CELF1: variants seen among roughly 807,000 people sequenced by gnomAD.
CELF1 encodes 50 kDa nuclear polyadenylated RNA-binding protein.
A neutral mutation model predicts 61.8 loss-of-function variants in CELF1; 10 were observed. That is an observed-to-expected ratio of 0.16 (90% CI 0.10 to 0.27). CELF1 has a LOEUF of 0.27. Among genes scored for constraint, CELF1 ranks in the 10% least tolerant of loss-of-function variants. The probability of loss-of-function intolerance (pLI) is 1.00; values close to 1 mark genes in which losing one functional copy is unlikely to be tolerated. For synonymous variants in CELF1, 236 were observed against 225.1 expected (o/e 1.05, Z -0.43); for missense variants, 380 against 639.1 (o/e 0.59, Z 4.37).
In CELF1 at chr11:47,473,240, T is replaced by C; in HGVS notation, c.1274-9A>G. The C allele has an allele frequency of 1.9e-6, 3 of 1,608,456 alleles. No individual in the cohort carries two copies. The highest frequency in any genetic ancestry group is 2.5e-6 in the Non-Finnish European group (3 of 1,178,220). On this transcript the variant is annotated splice_polypyrimidine_tract_variant and intron_variant, in intron 13 of 14. Transcript: ENST00000687097. ...GTTGGCTCCCTCTGGACCTTCAAAA[T>C]ACCCAGGAATTGGAAAAGTATCAGT...
chr11:47,511,824 T>A (rs940418078), intron 1 of CELF1, among the ~76,000 whole-genome samples: 1 of 152,142 alleles, frequency 6.6e-6, no homozygotes, highest in Non-Finnish European at 1.5e-5. Context: ...AGAAAGTCTG[T>A]TTAAATGCTA....
intron 1 of CELF1, among the ~76,000 whole-genome samples, chr11:47,521,707 TTGGTGTTTA>T (rs2095901508): frequency 6.6e-6 from 1 of 152,202 alleles, no homozygotes; most frequent in Non-Finnish European, 1.5e-5. Context: ...GGCACCAAGC[TTGGTGTTTA>T]TGGTGGAAAA....
At chr11:47,493,339 T>TAAAAAAA (rs11458910) in intron 3 of CELF1, among the ~76,000 whole-genome samples, 5 of 127,968 alleles carry the variant, frequency 3.9e-5, no homozygotes, top group Non-Finnish European at 8.0e-5. Flanking sequence ...CGTCCCTACT[T>TAAAAAAA]AAAAAAAAAA....
At chr11:47,519,479 C>CTAAATAAATAAA (rs59610157) in intron 1 of CELF1, among the ~76,000 whole-genome samples, 76 of 145,024 alleles carry the variant, frequency 5.2e-4, no homozygotes, top group Non-Finnish European at 7.2e-4. Flanking sequence ...GACTCCATCT[C>CTAAATAAATAAA]TAAATAAATA....
At chr11:47,518,935 G>A (rs1253417838) in intron 1 of CELF1, among the ~76,000 whole-genome samples, 3 of 152,164 alleles carry the variant, frequency 2.0e-5, no homozygotes, top group Non-Finnish European at 4.4e-5. Flanking sequence ...ATATGGTCTT[G>A]TTTCAGGAGC....
intron 1 of CELF1, among the ~76,000 whole-genome samples, chr11:47,541,069 G>A (rs1390295797): frequency 1.3e-5 from 2 of 152,178 alleles, no homozygotes; most frequent in Admixed American, 1.3e-4. Flanking sequence ...GAGGGAAAGC[G>A]GCTGGAGCTG....
Position 47,475,338 on chromosome 11 carries a change from T to C in CELF1, c.1271A>G (p.Glu424Gly). The change falls in exon 13 of 15, where the codon GAA becomes GGA. Residue 424 changes from glutamate (E) to glycine (G), a missense_variant and splice_region_variant. By Grantham distance (98) the Glu-to-Gly change is moderately conservative (BLOSUM62 -2). Coordinates refer to ENST00000687097, the MANE Select transcript of CELF1 (RefSeq NM_001376376.1). ...QSIGAAGSQK[E>G]GPEGANLFIY... ...CCCCGATCTCCCTTTGCACTCACCT[T>C]CCTTCTGGCTTCCAGCAGCACCAAT... The C allele has an allele frequency of 6.2e-7, 1 of 1,613,446 alleles. No homozygotes were observed. The highest frequency in any genetic ancestry group is 8.5e-7 in the Non-Finnish European group (1 of 1,179,966).
intron 1 of CELF1, among the ~76,000 whole-genome samples, chr11:47,531,026 T>A (rs1394246281): frequency 6.6e-6 from 1 of 151,240 alleles, no homozygotes; most frequent in Non-Finnish European, 1.5e-5. Flanking sequence ...GCGGATGGAT[T>A]CCCTGAGGTC....
chr11:47,555,218 A>G (rs1394604242), upstream of CELF1, among the ~76,000 whole-genome samples: 1 of 152,194 alleles, frequency 6.6e-6, no homozygotes, highest in Non-Finnish European at 1.5e-5. Flanking sequence ...CCTGCCCATG[A>G]GCTAAATAAG....
chr11:47,499,348 C>T, intron 3 of CELF1, 105 bp downstream of exon 3: 1 of 842,650 alleles, frequency 1.2e-6, no homozygotes, highest in Non-Finnish European at 1.8e-6. Context: ...CTTCTTTCCC[C>T]ATTTTTCTCT....
rs35976407 is a variant in CELF1 at position 47,493,513 on chromosome 11, GAAAAAAA to G, written c.72-4496_72-4490del. 5.9e-5 allele frequency among the ~76,000 whole-genome samples: 5 copies of G among 84,912 alleles called. No individual in the cohort carries two copies. In the Admixed American group the frequency reaches 7.4e-4, roughly 13 times the overall value. 55.7% of individuals were successfully genotyped at this position (84,912 alleles called of 152,430 possible). A position where few individuals can be genotyped will look rare whatever the true frequency, so the allele number is the denominator to read the frequency against. On this transcript the variant is annotated intron_variant, in intron 3 of 14. Coordinates refer to ENST00000687097, the MANE Select transcript of CELF1 (RefSeq NM_001376376.1). ...ACAGAGCAAGACTCCATCTCAAAAA[GAAAAAAA>G]AAAAAAAAAAAAAAAGGGCGTGCAC...
chr11:47,472,970 C>T, intron 14 of CELF1, 118 bp downstream of exon 14: 1 of 1,156,242 alleles, frequency 8.6e-7, no homozygotes, highest in Non-Finnish European at 1.2e-6. Context: ...AATGACCTGC[C>T]CATGGCCAAG....
At position 47,482,731 on chromosome 11, in the gene CELF1, A is replaced by C; in HGVS notation, c.732T>G (p.Leu244=). 1 of 1,614,112 alleles carries C rather than the reference A, an allele frequency of 6.2e-7. No homozygotes were observed. Residue 244 remains leucine, a synonymous_variant, in exon 9 of 15, where the codon CTT becomes CTG. Transcript: ENST00000687097. ...QISAASVWGN[L]AGLNTLGPQY... is the part of the protein sequence containing the mutation. The stretch of plus-strand genomic sequence containing the variant: ...GGGGTCCAAGAGTATTTAGACCAGC[A>C]AGGTTTCCCCACACAGATGCTGCGC...
intron 6 of CELF1, 100 bp downstream of exon 6, chr11:47,486,650 C>T (rs1462558742): frequency 5.5e-6 from 5 of 912,210 alleles, no homozygotes; most frequent in Non-Finnish European, 9.0e-6. Flanking sequence ...TCAAGCAATC[C>T]ATCTGTCTTG....
At chr11:47,487,464 T>TG (rs2088177470) in intron 4 of CELF1, among the ~76,000 whole-genome samples, 2 of 152,246 alleles carry the variant, frequency 1.3e-5, no homozygotes, top group South Asian at 4.1e-4. Context: ...TTAGTTACAC[T>TG]ATAAGTCTTA....
chr11:47,527,971 C>T (rs187587777), intron 1 of CELF1, among the ~76,000 whole-genome samples: 7 of 152,258 alleles, frequency 4.6e-5, no homozygotes, highest in Non-Finnish European at 7.4e-5. Context: ...TGGTGCATGC[C>T]TGTAATCCCA....
intron 1 of CELF1, among the ~76,000 whole-genome samples, chr11:47,548,266 T>A (rs1005339766): frequency 6.6e-6 from 1 of 152,010 alleles, no homozygotes; most frequent in Non-Finnish European, 1.5e-5. Flanking sequence ...GTCACTGCAC[T>A]CTAGGCTGGG....
At chr11:47,522,321 T>C (rs1328478859) in intron 1 of CELF1, among the ~76,000 whole-genome samples, 1 of 147,962 alleles carries the variant, frequency 6.8e-6, no homozygotes. Context: ...AGATCAGGAG[T>C]TGGAGACCAG....
intron 2 of CELF1, among the ~76,000 whole-genome samples, chr11:47,560,314 A>G (rs1169921846): frequency 2.0e-5 from 3 of 152,008 alleles, no homozygotes; most frequent in Non-Finnish European, 4.4e-5. Flanking sequence ...AGAAAAGGCC[A>G]GAGGCATGAG....
Sources: allele counts gnomAD v4.1 joint callset (sites outside exome capture counted in the v4.1 genomes callset), GRCh38; gene constraint gnomAD v4.1.1; transcripts MANE v1.5; gene names NCBI Gene and HGNC (gene_info 2026-07-23, HGNC 2026-07-21).